The following APCDD1L variants were observed in gnomAD, a reference collection of about 807,000 sequenced individuals.
APCDD1L encodes the protein APC down-regulated 1 like.
A neutral mutation model predicts 24.2 loss-of-function variants in APCDD1L; 21 were observed. The ratio of observed to expected loss-of-function variants is 0.87; its 90% CI spans 0.61 to 1.25. APCDD1L has a LOEUF of 1.25. APCDD1L is among the 50% of genes most tolerant of loss of function. The pLI is 0.00. For synonymous variants in APCDD1L, 321 were observed against 323.6 expected (o/e 0.99, Z 0.09); for missense variants, 704 against 711.7 (o/e 0.99, Z 0.12).
chr20:58,512,786 C>T (rs544819821), intron 1 of APCDD1L, among the ~76,000 whole-genome samples: 50 of 152,276 alleles, frequency 3.3e-4, no homozygotes, highest in African/African-American at 1.0e-3. Flanking sequence ...TTCAAAGAAG[C>T]GTTCAGTGGA....
intron 1 of APCDD1L, among the ~76,000 whole-genome samples, chr20:58,484,407 C>G (rs1431636250): frequency 6.6e-6 from 1 of 152,180 alleles, no homozygotes; most frequent in Non-Finnish European, 1.5e-5. Context: ...TCCATCTCTA[C>G]AACAATGCCT....
chr20:58,471,914 A>AG (rs1989818280), intron 1 of APCDD1L, among the ~76,000 whole-genome samples: 1 of 152,094 alleles, frequency 6.6e-6, no homozygotes, highest in Non-Finnish European at 1.5e-5. Flanking sequence ...GCTCCAGTCC[A>AG]GGGGATGTGG....
chr20:58,481,066 C>A (rs904057669), intron 1 of APCDD1L, among the ~76,000 whole-genome samples: 2 of 152,202 alleles, frequency 1.3e-5, no homozygotes, highest in Non-Finnish European at 2.9e-5. Context: ...TGCCAACATC[C>A]CACCTGGTGC....
chr20:58,482,249 T>C lies in APCDD1L; in HGVS notation c.50-11502A>G, dbSNP rs1369547529. ...CCTACATCATGTTTCGGAAAACCCATTTTGCTAGGAGTTACCAGATTTTAA... is the reference window on the plus strand; with the variant it reads ...CCTACATCATGTTTCGGAAAACCCACTTTGCTAGGAGTTACCAGATTTTAA... On this transcript the variant is annotated intron_variant, in intron 1 of 3. Transcript: ENST00000371149. Among the ~76,000 whole-genome samples, 3 of 152,218 alleles carry C rather than the reference T, an allele frequency of 2.0e-5. 1 individual carries two copies. Among genetic ancestry groups the C allele is most frequent in the Admixed American group, 2.0e-4 (3 of 15,288 alleles).
chr20:58,463,429 C>T (rs1013840938), intron 3 of APCDD1L, among the ~76,000 whole-genome samples: 4 of 152,192 alleles, frequency 2.6e-5, no homozygotes, highest in East Asian at 1.9e-4. Context: ...TAACAGGAAA[C>T]AGATGCTAAA....
At chr20:58,489,673 A>T (rs1158552359) in intron 1 of APCDD1L, among the ~76,000 whole-genome samples, 1 of 140,132 alleles carries the variant, frequency 7.1e-6, no homozygotes, top group South Asian at 2.4e-4. Flanking sequence ...AACAAGAGCG[A>T]AACTTTGTGT....
At chr20:58,478,073 T>G (rs1233424973) in intron 1 of APCDD1L, among the ~76,000 whole-genome samples, 1 of 152,254 alleles carries the variant, frequency 6.6e-6, no homozygotes, top group Non-Finnish European at 1.5e-5. Context: ...ATTTATTTTG[T>G]TGCTCAAATT....
At chr20:58,503,709 C>A (rs1391174939) in intron 1 of APCDD1L, among the ~76,000 whole-genome samples, 2 of 152,170 alleles carry the variant, frequency 1.3e-5, no homozygotes, top group Non-Finnish European at 2.9e-5. Flanking sequence ...GTGTACAGCA[C>A]ATATACTATT....
At chr20:58,498,982 T>G (rs2123182300) in intron 1 of APCDD1L, among the ~76,000 whole-genome samples, 1 of 152,324 alleles carries the variant, frequency 6.6e-6, no homozygotes, top group African/African-American at 2.4e-5. Context: ...TAACTTCTCA[T>G]TTCATTCCAA....
chr20:58,483,971 G>C (rs1165932609), intron 1 of APCDD1L, among the ~76,000 whole-genome samples: 1 of 152,232 alleles, frequency 6.6e-6, no homozygotes, highest in Non-Finnish European at 1.5e-5. Context: ...AGGGGGCACA[G>C]TCAGAATGGG....
rs771426290 is a variant in APCDD1L at position 58,467,629 on chromosome 20, A to G, written c.218T>C (p.Leu73Pro). The change falls in exon 3 of 4, where the codon CTG (leucine) becomes CCG (proline). Residue 73 changes from leucine to proline, a missense_variant. Physicochemically the swap from Leu to Pro is moderately conservative, Grantham distance 98. Coordinates refer to ENST00000371149, the MANE Select transcript of APCDD1L (RefSeq NM_153360.3). The surrounding 1 kb of genome is among the most constrained non-coding windows in gnomAD (Gnocchi z 5.9). The stretch of plus-strand genomic sequence containing the variant: ...GGGGTAGAAGGTGTAGGCGCGGGTC[A>G]GGAACTCCGGTCCTGGGCGCACCTC... ...GCEVRPGPEFLTRAYTFYPSR... is the reference protein window; with the variant it reads ...GCEVRPGPEFPTRAYTFYPSR... 3 of 1,520,180 alleles carry G rather than the reference A, an allele frequency of 2.0e-6. No individual in the cohort carries two copies. 94.2% of individuals were successfully genotyped at this position (1,520,180 alleles called of 1,614,324 possible).
At chr20:58,480,298 A>T (rs1989999631) in intron 1 of APCDD1L, among the ~76,000 whole-genome samples, 1 of 152,192 alleles carries the variant, frequency 6.6e-6, no homozygotes, top group Non-Finnish European at 1.5e-5. Flanking sequence ...CAGAGAGTTG[A>T]AGGCTGCCCG....
At chr20:58,475,363 C>T (rs964478775) in intron 1 of APCDD1L, among the ~76,000 whole-genome samples, 2 of 152,188 alleles carry the variant, frequency 1.3e-5, no homozygotes, top group Admixed American at 6.5e-5. Flanking sequence ...AACAGTCACG[C>T]GTCGGTTTTA....
Position 58,461,209 on chromosome 20 carries a change from T to TG in APCDD1L, c.1086dup (p.Met363HisfsTer13), listed in dbSNP as rs1989594948. The TG allele has an allele frequency of 6.2e-7, 1 of 1,613,468 alleles. No individual in the cohort carries two copies. On this transcript the variant is annotated frameshift_variant, in exon 4 of 4. Coordinates refer to ENST00000371149, the MANE Select transcript of APCDD1L (RefSeq NM_153360.3). LOFTEE classifies it low-confidence loss of function (END_TRUNC). The surrounding 1 kb of genome is among the most constrained non-coding windows in gnomAD (Gnocchi z 6.0). ...AGCATGGCCGTGGTGACCTGGTCCA[T>TG]GGGGGTCACATGGGCCCGTGTGACC...
rs1409746670 is a variant in APCDD1L, at chr20:58,461,393, G to A, written c.903C>T (p.Leu301=). The A allele has an allele frequency of 1.9e-6, 3 of 1,555,118 alleles. No homozygotes were observed. Among genetic ancestry groups the A allele is most frequent in the Non-Finnish European group, 1.7e-6 (2 of 1,146,196 alleles). ...VRPAVLFLTR[L]FTFHGHSRSW... ...AGCGGCTGTGCCCGTGGAAAGTGAA[G>A]AGCCGGGTGAGGAACAGGACTGCTG... The change falls in exon 4 of 4, where the codon CTC becomes CTT. Residue 301 remains leucine, a synonymous_variant. Transcript: ENST00000371149. This position sits in a 1 kb window ranked among gnomAD's most constrained non-coding sequence, Gnocchi z 6.0.
At chr20:58,495,902 C>T (rs894677705) in intron 1 of APCDD1L, among the ~76,000 whole-genome samples, 1 of 152,176 alleles carries the variant, frequency 6.6e-6, no homozygotes, top group Admixed American at 6.5e-5. Flanking sequence ...CACCCTCCAG[C>T]CTTGAGGGCC....
chr20:58,479,711 A>C (rs1989988629), intron 1 of APCDD1L, among the ~76,000 whole-genome samples: 2 of 151,860 alleles, frequency 1.3e-5, no homozygotes, highest in Admixed American at 1.3e-4. Flanking sequence ...ACATATTTTA[A>C]ATAAAAATTT....
chr20:58,498,778 G>A (rs1990373745), intron 1 of APCDD1L, among the ~76,000 whole-genome samples: 1 of 152,204 alleles, frequency 6.6e-6, no homozygotes, highest in Non-Finnish European at 1.5e-5. Context: ...CTCCTCCTCT[G>A]TCCAAAAGCT....
rs1989547624 is a variant in APCDD1L at position 58,459,138 on chromosome 20, T to C, written c.*1652A>G. On this transcript the variant is annotated 3_prime_UTR_variant, in exon 4 of 4. Coordinates refer to ENST00000371149, the MANE Select transcript of APCDD1L (RefSeq NM_153360.3). ...TTTAATTTTATTAAAAGGTTCAAAT[T>C]TGATGATAAATGGTGGCATGGTTAC... is the stretch of plus-strand genomic sequence containing the variant. 6.6e-6 allele frequency: 1 copy of C among 152,234 alleles called. No homozygotes were observed. The highest frequency in any genetic ancestry group is 2.4e-5 in the African/African-American group (1 of 41,460). The allele number at this position is 152,234 out of a possible 1,614,324, so 9.4% of individuals were successfully genotyped here.
Sources: gnomAD v4.1 joint callset for allele counts (sites outside exome capture counted in the v4.1 genomes callset) on GRCh38, gnomAD v4.1.1 for gene constraint, Gnocchi (gnomAD v3.1) non-coding constraint, MANE v1.5 for transcripts, NCBI Gene and HGNC (gene_info 2026-07-23, HGNC 2026-07-21) for gene names.